C4BPA: variants seen among roughly 807,000 people sequenced by gnomAD.
C4BPA encodes C4b-binding protein alpha chain.
In C4BPA, 31 loss-of-function variants were observed where a neutral mutation model predicts 63.7. The ratio of observed to expected loss-of-function variants is 0.49; its 90% CI spans 0.37 to 0.66. The LOEUF is 0.66. Ranked by LOEUF, C4BPA falls within the 30% of genes least tolerant of loss-of-function variation. The pLI, the probability that C4BPA is intolerant of heterozygous loss-of-function variation, is 0.00. For synonymous variants in C4BPA, 259 were observed against 254.7 expected (o/e 1.02, Z -0.16); for missense variants, 572 against 723.3 (o/e 0.79, Z 2.40).
rs1228324472 is a variant in C4BPA, at chr1:207,134,584, G to A, written c.1265G>A (p.Cys422Tyr). 6.2e-7 allele frequency: 1 copy of A among 1,609,860 alleles called. No homozygotes were observed. Among genetic ancestry groups the A allele is most frequent in the Admixed American group, 1.7e-5 (1 of 59,846 alleles). ...ACGTGGAGTCCCCGAACACCATCAT[G>A]TGGAGACAGTAAGAGTTCATAGAAT... ...DGTWSPRTPS[C>Y]GDICNFPPKI... The change falls in exon 9 of 12, where the codon TGT becomes TAT. Residue 422 changes from cysteine (C) to tyrosine (Y), a missense_variant. Cys to Tyr is a radical substitution (Grantham distance 194). Around this residue, in one of 2 missense-constraint regions of C4BPA, gnomAD observed 465 missense variants for 629.4 expected, o/e 0.74. Transcript: ENST00000367070.
chr1:207,132,530 T>C (rs1354190979), intron 8 of C4BPA, among the ~76,000 whole-genome samples: 2 of 152,194 alleles, frequency 1.3e-5, no homozygotes, highest in African/African-American at 4.8e-5. Context: ...AAGTGGTAGT[T>C]TAGATCAACC....
At chr1:207,126,556 T>C (rs1268678432) in intron 6 of C4BPA, among the ~76,000 whole-genome samples, 157 bp from the exon 7 acceptor site, 3 of 151,468 alleles carry the variant, frequency 2.0e-5, no homozygotes, top group Non-Finnish European at 2.9e-5. Context: ...TGCGTTTGTG[T>C]ATGTGTATTC....
At position 207,132,349 on chromosome 1, in the gene C4BPA, T is replaced by A. The variant is rs539158961; in HGVS notation, c.1084+609T>A. 8.5e-5 allele frequency among the ~76,000 whole-genome samples: 13 copies of A among 152,326 alleles called. 1 individual carries two copies. The highest frequency in any genetic ancestry group is 3.1e-4 in the African/African-American group (13 of 41,576). On this transcript the variant is annotated intron_variant, in intron 8 of 11. Coordinates refer to ENST00000367070, the MANE Select transcript of C4BPA (RefSeq NM_000715.4). The stretch of plus-strand genomic sequence containing the variant: ...AGTGAGGGACTGAACGACAAGTGGA[T>A]ACTATATTATGAGCCTCAGTGGAAC...
At position 207,115,368 on chromosome 1, in the gene C4BPA, T is replaced by A. The variant is rs760266555; in HGVS notation, c.329-48T>A. The A allele has an allele frequency of 7.3e-6, 7 of 957,966 alleles. No homozygotes were observed. The Middle Eastern group carries it at 6.3e-4, about 87-fold the overall frequency. 59.3% of individuals were successfully genotyped at this position (957,966 alleles called of 1,614,324 possible). ...ATTTCTTTTCTTTTCTAATGCCATATCTGTGAGTACTTGGAAGTACTAATC... is the reference window on the plus strand; with the variant it reads ...ATTTCTTTTCTTTTCTAATGCCATAACTGTGAGTACTTGGAAGTACTAATC... On this transcript the variant is annotated intron_variant, in intron 3 of 11. Coordinates refer to ENST00000367070, the MANE Select transcript of C4BPA (RefSeq NM_000715.4).
At chr1:207,117,157 A>G (rs1684815535) in intron 4 of C4BPA, among the ~76,000 whole-genome samples, 1 of 152,212 alleles carries the variant, frequency 6.6e-6, no homozygotes, top group Non-Finnish European at 1.5e-5. Context: ...TTAGTTTTAA[A>G]ATTAATTTTA....
chr1:207,125,241 G>A (rs1685013038), intron 6 of C4BPA, among the ~76,000 whole-genome samples: 1 of 152,214 alleles, frequency 6.6e-6, no homozygotes, highest in Non-Finnish European at 1.5e-5. Context: ...AAGTGGGCAG[G>A]GGCCAGGTTA....
At chr1:207,126,271 T>TA (rs1685042234) in intron 6 of C4BPA, among the ~76,000 whole-genome samples, 1 of 147,930 alleles carries the variant, frequency 6.8e-6, no homozygotes, top group Non-Finnish European at 1.5e-5. Context: ...TAAATATATA[T>TA]TATATCAAAT....
At chr1:207,134,973 C>T (rs1685248803) in intron 9 of C4BPA, among the ~76,000 whole-genome samples, 1 of 152,194 alleles carries the variant, frequency 6.6e-6, no homozygotes, top group South Asian at 2.1e-4. Flanking sequence ...CAAACAGCAG[C>T]CTTCTGTTAC....
At chr1:207,134,326 A>T in intron 8 of C4BPA, 78 bp from the exon 9 acceptor site, 1 of 1,039,508 alleles carries the variant, frequency 9.6e-7, no homozygotes, top group Non-Finnish European at 1.4e-6. Flanking sequence ...TCGTCCAAAG[A>T]TGGAAATGAG....
chr1:207,127,663 A>G (rs1465601281), intron 7 of C4BPA, among the ~76,000 whole-genome samples: 1 of 152,210 alleles, frequency 6.6e-6, no homozygotes, highest in Non-Finnish European at 1.5e-5. Flanking sequence ...AGAGGTATCC[A>G]CCAAGCTGGT....
At chr1:207,106,819 C>A (rs113363252) in intron 1 of C4BPA, among the ~76,000 whole-genome samples, 1 of 152,082 alleles carries the variant, frequency 6.6e-6, no homozygotes, top group African/African-American at 2.4e-5. Flanking sequence ...GAAATCTCTG[C>A]GAAATAAGGA....
chr1:207,116,520 G>A (rs1051828673), intron 4 of C4BPA, among the ~76,000 whole-genome samples: 26 of 115,438 alleles, frequency 2.3e-4, no homozygotes, highest in South Asian at 1.2e-3. Flanking sequence ...GTGTATATGT[G>A]TGTGTGTGTG....
chr1:207,125,130 C>T (rs998322572), intron 6 of C4BPA, among the ~76,000 whole-genome samples: 15 of 152,186 alleles, frequency 9.9e-5, no homozygotes, highest in African/African-American at 2.7e-4. Context: ...CCACAGGACA[C>T]AATCAGACGA....
chr1:207,112,786 C>G (rs1684696708), intron 1 of C4BPA: 1 of 466,188 alleles, frequency 2.1e-6, no homozygotes, highest in Admixed American at 4.3e-5. Context: ...CTCCCTCCCT[C>G]CACTTGGAAT....
At chr1:207,127,020 T>C (rs1685060476) in intron 7 of C4BPA, 125 bp downstream of exon 7, 1 of 662,836 alleles carries the variant, frequency 1.5e-6, no homozygotes, top group Non-Finnish European at 2.6e-6. Context: ...TCTAGATCAA[T>C]AATTTCCTTT....
Position 207,124,223 on chromosome 1 carries a change from G to C in C4BPA, c.563G>C (p.Gly188Ala), listed in dbSNP as rs774141891. ...GACATCAGGAATGGAAGGCACAGCG[G>C]TGAAGAAAATTTCTACGCATACGGC... ...PPDIRNGRHS[G>A]EENFYAYGFS... The change falls in exon 6 of 12, where the codon GGT becomes GCT. Residue 188 changes from glycine (G) to alanine (A), a missense_variant. This residue lies in a region of C4BPA where 465 missense variants were observed against 629.4 expected (regional missense o/e 0.74). Transcript: ENST00000367070. The C allele has an allele frequency of 6.2e-7, 1 of 1,613,948 alleles. No individual in the cohort carries two copies. Among genetic ancestry groups the C allele is most frequent in the East Asian group, 2.2e-5 (1 of 44,870 alleles).
chr1:207,117,569 C>T (rs1169938244), intron 4 of C4BPA, among the ~76,000 whole-genome samples: 1 of 152,204 alleles, frequency 6.6e-6, no homozygotes, highest in African/African-American at 2.4e-5. Context: ...CTCTTAGGGT[C>T]TCCACCAGGC....
chr1:207,144,071 C>G (rs1685480384), intron 11 of C4BPA, 78 bp downstream of exon 11: 4 of 1,003,778 alleles, frequency 4.0e-6, no homozygotes, highest in Non-Finnish European at 5.7e-6. Context: ...CTGTACCACT[C>G]AACAATGGTG....
intron 9 of C4BPA, among the ~76,000 whole-genome samples, chr1:207,135,688 A>C (rs1369653852): frequency 3.9e-5 from 6 of 152,152 alleles, no homozygotes; most frequent in African/African-American, 1.4e-4. Flanking sequence ...AGCCATATAA[A>C]AGTCGATATG....
Sources: allele counts gnomAD v4.1 joint callset (sites outside exome capture counted in the v4.1 genomes callset), GRCh38; gene constraint gnomAD v4.1.1; regional missense constraint gnomAD v4.1.1; transcripts MANE v1.5; gene names NCBI Gene and HGNC (gene_info 2026-07-23, HGNC 2026-07-21).